The following MAPK10 variants were observed in gnomAD, a reference collection of about 807,000 sequenced individuals.
MAPK10 encodes the protein mitogen-activated protein kinase 10, also known as JNK3 alpha protein kinase.
In MAPK10, 25 loss-of-function variants were observed where a neutral mutation model predicts 59.3. The observed-to-expected ratio is 0.42, with a 90% CI of 0.31 to 0.59. The LOEUF is 0.59. Ranked by LOEUF, MAPK10 falls within the 20% of genes least tolerant of loss-of-function variation. The pLI is 0.15. For synonymous variants in MAPK10, 190 were observed against 200.5 expected (o/e 0.95, Z 0.44); for missense variants, 351 against 568.9 (o/e 0.62, Z 3.90).
intron 2 of MAPK10, among the ~76,000 whole-genome samples, chr4:86,295,996 T>G (rs1006833690): frequency 6.6e-6 from 1 of 150,956 alleles, no homozygotes; most frequent in East Asian, 1.9e-4. Context: ...GCCAACATGG[T>G]GAAACCCTGT....
intron 2 of MAPK10, chr4:86,268,068 G>A (rs968290827): frequency 6.6e-6 from 1 of 152,136 alleles, no homozygotes; most frequent in Non-Finnish European, 1.5e-5. Context: ...CAATAACACA[G>A]CCTATGTGAA....
intron 1 of MAPK10, chr4:86,370,579 C>G (rs1472733004): frequency 6.6e-6 from 1 of 151,394 alleles, no homozygotes; most frequent in Non-Finnish European, 1.5e-5. Flanking sequence ...TAGACTGGAC[C>G]ACTTGAAAGA....
chr4:86,303,673 G>C (rs1339729793), intron 2 of MAPK10, among the ~76,000 whole-genome samples: 2 of 152,162 alleles, frequency 1.3e-5, no homozygotes, highest in Admixed American at 6.5e-5. Flanking sequence ...ATATGTGGTA[G>C]TTAGAAAAGG....
At chr4:86,533,028 G>T (rs1287070673) in intron 1 of MAPK10, among the ~76,000 whole-genome samples, 2 of 151,580 alleles carry the variant, frequency 1.3e-5, no homozygotes, top group African/African-American at 4.9e-5. Context: ...CCTATGAACT[G>T]CCTCAGGAAA....
intron 9 of MAPK10, among the ~76,000 whole-genome samples, chr4:86,096,003 T>C (rs1026949951): frequency 1.3e-5 from 2 of 151,814 alleles, no homozygotes; most frequent in African/African-American, 2.4e-5. Flanking sequence ...TGTAGGTGTC[T>C]TTATGCAATT....
chr4:86,553,775 T>C (rs1760042842), intron 1 of MAPK10, among the ~76,000 whole-genome samples: 1 of 152,140 alleles, frequency 6.6e-6, no homozygotes, highest in African/African-American at 2.4e-5. Flanking sequence ...GGGGTAGTGA[T>C]GTGATGTTAA....
intron 1 of MAPK10, among the ~76,000 whole-genome samples, chr4:86,526,038 A>C (rs1380646185): frequency 6.6e-6 from 1 of 151,912 alleles, no homozygotes; most frequent in African/African-American, 2.4e-5. Flanking sequence ...TTCTTTTTTC[A>C]TGTGTCTTTC....
intron 1 of MAPK10, among the ~76,000 whole-genome samples, chr4:86,500,296 G>A (rs1374837779): frequency 6.6e-6 from 1 of 152,110 alleles, no homozygotes; most frequent in African/African-American, 2.4e-5. Context: ...TTTGAAATCG[G>A]GTTGTGCTAG....
chr4:86,037,402 C>A (rs1016669587), intron 11 of MAPK10, among the ~76,000 whole-genome samples: 1 of 151,950 alleles, frequency 6.6e-6, no homozygotes, highest in Non-Finnish European at 1.5e-5. Flanking sequence ...TGCCTGTGTT[C>A]CCAGCTACTC....
intron 1 of MAPK10, among the ~76,000 whole-genome samples, chr4:86,373,379 C>CAA (rs1739218252): frequency 6.6e-6 from 1 of 152,120 alleles, no homozygotes; most frequent in South Asian, 2.1e-4. Flanking sequence ...ACACCAAAAG[C>CAA]AATAGCAACA....
chr4:86,374,554 T>C (rs1739474087), intron 1 of MAPK10, among the ~76,000 whole-genome samples: 1 of 152,192 alleles, frequency 6.6e-6, no homozygotes, highest in Non-Finnish European at 1.5e-5. Context: ...CCTTGTAAGC[T>C]GAAGCAGAGA....
At chr4:86,217,306 TAATA>T (rs1250843758) in intron 2 of MAPK10, among the ~76,000 whole-genome samples, 1 of 152,204 alleles carries the variant, frequency 6.6e-6, no homozygotes, top group Non-Finnish European at 1.5e-5. Flanking sequence ...AGAATTGTAT[TAATA>T]TAGAGAAATA....
intron 10 of MAPK10, among the ~76,000 whole-genome samples, chr4:86,067,388 C>T (rs751394810): frequency 9.2e-5 from 14 of 152,074 alleles, no homozygotes; most frequent in Non-Finnish European, 1.5e-4. Flanking sequence ...CCTCTTGATC[C>T]TCCCGCCTCC....
intron 2 of MAPK10, among the ~76,000 whole-genome samples, chr4:86,305,835 A>T (rs1241623346): frequency 6.6e-6 from 1 of 152,116 alleles, no homozygotes; most frequent in Non-Finnish European, 1.5e-5. Flanking sequence ...AAAAAAAAAA[A>T]AATCAAAACA....
At chr4:86,245,311 AT>A (rs35547091) in intron 2 of MAPK10, among the ~76,000 whole-genome samples, 506 of 137,296 alleles carry the variant, frequency 3.7e-3, no homozygotes, top group Admixed American at 5.2e-3. Flanking sequence ...ACAAGTGCCA[AT>A]TTTTTTTTTT....
intron 2 of MAPK10, among the ~76,000 whole-genome samples, chr4:86,340,943 T>G (rs1674477820): frequency 6.6e-6 from 1 of 152,200 alleles, no homozygotes; most frequent in Admixed American, 6.5e-5. Flanking sequence ...CTATACAATT[T>G]GAATAGAATA....
intron 2 of MAPK10, among the ~76,000 whole-genome samples, chr4:86,252,168 T>G (rs942238813): frequency 7.9e-6 from 1 of 125,958 alleles, no homozygotes; most frequent in African/African-American, 4.4e-5. Flanking sequence ...CAGAAGTTCT[T>G]TAGTTTAATT....
chr4:86,029,424 A>G (rs1752120175), intron 12 of MAPK10, 150 bp from the exon 13 acceptor site: 3 of 604,004 alleles, frequency 5.0e-6, no homozygotes, highest in Non-Finnish European at 8.8e-6. Flanking sequence ...TTCTATTTCT[A>G]TATTGCCTTG....
intron 1 of MAPK10, among the ~76,000 whole-genome samples, chr4:86,503,441 A>C (rs552226396): frequency 6.6e-6 from 1 of 152,240 alleles, no homozygotes; most frequent in African/African-American, 2.4e-5. Flanking sequence ...CCAACTGATA[A>C]ATTTTCATAA....
Sources: allele counts gnomAD v4.1 joint callset (sites outside exome capture counted in the v4.1 genomes callset), GRCh38; gene constraint gnomAD v4.1.1; transcripts MANE v1.5; gene names NCBI Gene and HGNC (gene_info 2026-07-23, HGNC 2026-07-21).